The following ULBP1 variants were observed in gnomAD, a reference collection of about 807,000 sequenced individuals.
ULBP1 encodes the protein UL16 binding protein 1, also known as UL16-binding protein 1.
In ULBP1, 28 loss-of-function variants were observed where a neutral mutation model predicts 25.3. That is an observed-to-expected ratio of 1.10 (90% confidence interval 0.82 to 1.51). The LOEUF (loss-of-function observed/expected upper bound fraction) is 1.51, where lower values mean the gene tolerates loss of function less well. Among genes scored for constraint, ULBP1 ranks in the 40% most tolerant of loss-of-function variants. The probability of loss-of-function intolerance (pLI) is 0.00; values close to 1 mark genes in which losing one functional copy is unlikely to be tolerated. For missense variants in ULBP1, 348 were observed against 290.9 expected (o/e 1.20, Z -1.43); for synonymous variants, 129 against 103.0 (o/e 1.25, Z -1.53).
At chr6:149,966,174 G>A (rs1337951823) in intron 1 of ULBP1, among the ~76,000 whole-genome samples, 4 of 151,588 alleles carry the variant, frequency 2.6e-5, no homozygotes, top group African/African-American at 7.2e-5. Flanking sequence ...CTTGCTGGCC[G>A]TGAGTTCTCT....
chr6:149,969,140 C>G lies in ULBP1; in HGVS notation c.405C>G (p.Gly135=). 6.2e-7 allele frequency: 1 copy of G among 1,614,216 alleles called. No homozygotes were observed. The highest frequency in any genetic ancestry group is 8.5e-7 in the Non-Finnish European group (1 of 1,180,038). The change falls in exon 3 of 5, where the codon GGC becomes GGG. Residue 135 remains glycine (G), a synonymous_variant. Coordinates refer to ENST00000229708, the MANE Select transcript of ULBP1 (RefSeq NM_025218.4). ...MSCEHEAHGH[G]RGSWQFLFNG... ...GTGAGCATGAAGCCCATGGACACGGCAGAGGATCTTGGCAGTTCCTCTTCA... is the reference window on the plus strand; with the variant it reads ...GTGAGCATGAAGCCCATGGACACGGGAGAGGATCTTGGCAGTTCCTCTTCA...
At chr6:149,967,802 C>A (rs966045567) in intron 1 of ULBP1, among the ~76,000 whole-genome samples, 1 of 152,144 alleles carries the variant, frequency 6.6e-6, no homozygotes, top group African/African-American at 2.4e-5. Context: ...ATTTCAGGAA[C>A]AGCATTTCCT....
rs1224061040 is a variant in ULBP1 at position 149,972,441 on chromosome 6, G to A, written c.*1095G>A. 2 of 152,022 alleles carry A rather than the reference G, an allele frequency of 1.3e-5. No homozygotes were observed. Among genetic ancestry groups the A allele is most frequent in the Non-Finnish European group, 2.9e-5 (2 of 68,028 alleles). The allele number at this position is 152,022 out of a possible 1,614,324, so 9.4% of individuals were successfully genotyped here. On this transcript the variant is annotated 3_prime_UTR_variant, in exon 5 of 5. Coordinates refer to ENST00000229708, the MANE Select transcript of ULBP1 (RefSeq NM_025218.4). ...CTAAGAAATACCAATGTGGACATAG[G>A]GCCTGGCAAAGATTTCATGAAGAAG...
intron 1 of ULBP1, among the ~76,000 whole-genome samples, chr6:149,964,505 C>A (rs926950580): frequency 6.8e-6 from 1 of 147,772 alleles, no homozygotes; most frequent in Non-Finnish European, 1.5e-5. Flanking sequence ...CCCCGAACAT[C>A]GTGGTCTCCC....
At chr6:149,964,694 G>C (rs570929927) in intron 1 of ULBP1, among the ~76,000 whole-genome samples, 54 of 146,654 alleles carry the variant, frequency 3.7e-4, no homozygotes, top group Middle Eastern at 3.6e-3. Flanking sequence ...CCTTTCCGCC[G>C]GGTCTGATTC....
intron 1 of ULBP1, among the ~76,000 whole-genome samples, chr6:149,964,506 G>T (rs1382622206): frequency 6.8e-6 from 1 of 146,682 alleles, no homozygotes; most frequent in Admixed American, 6.8e-5. Flanking sequence ...CCCGAACATC[G>T]TGGTCTCCCC....
intron 1 of ULBP1, among the ~76,000 whole-genome samples, chr6:149,964,814 C>T (rs1267913503): frequency 2.4e-5 from 3 of 125,862 alleles, no homozygotes; most frequent in African/African-American, 8.9e-5. Flanking sequence ...ACATCGTGAT[C>T]CCCCCCGAAC....
At chr6:149,967,824 C>T (rs140539312) in intron 1 of ULBP1, among the ~76,000 whole-genome samples, 1 of 152,138 alleles carries the variant, frequency 6.6e-6, no homozygotes, top group Non-Finnish European at 1.5e-5. Flanking sequence ...CCCCCAACCC[C>T]GGCCTTCAGC....
rs1389814120 is a variant in ULBP1, at chr6:149,969,183, C to G, written c.448C>G (p.Leu150Val). ...CCTCTTCAATGGACAGAAGTTCCTCCTCTTTGACTCAAACAACAGAAAGTG... is the reference window on the plus strand; with the variant it reads ...CCTCTTCAATGGACAGAAGTTCCTCGTCTTTGACTCAAACAACAGAAAGTG... ...QFLFNGQKFL[L>V]FDSNNRKWTA... Residue 150 changes from leucine (L) to valine (V), a missense_variant, in exon 3 of 5, where the codon CTC becomes GTC. Transcript: ENST00000229708. The G allele has an allele frequency of 6.2e-7, 1 of 1,614,106 alleles. No individual in the cohort carries two copies. The highest frequency in any genetic ancestry group is 1.3e-5 in the African/African-American group (1 of 74,926).
rs1354088063 is a variant in ULBP1, at chr6:149,971,469, CA to C, written c.*124del. 9 of 930,670 alleles carry C rather than the reference CA, an allele frequency of 9.7e-6. No homozygotes were observed. The Admixed American group carries it at 4.9e-4, about 51-fold the overall frequency. The allele number at this position is 930,670 out of a possible 1,614,324, so 57.7% of individuals were successfully genotyped here. A position where few individuals can be genotyped will look rare whatever the true frequency, so the allele number is the denominator to read the frequency against. On this transcript the variant is annotated 3_prime_UTR_variant, in exon 5 of 5. Transcript: ENST00000229708. ...CTCACCACTGTGCCTTTCTGGAAAG[CA>C]GGAGTTCAAGCCTTAGCAAGCCCAG...
At chr6:149,967,541 G>A (rs575020835) in intron 1 of ULBP1, among the ~76,000 whole-genome samples, 64 of 152,264 alleles carry the variant, frequency 4.2e-4, no homozygotes, top group African/African-American at 1.5e-3. Flanking sequence ...ATCCATCCTT[G>A]CGTTTTGTCT....
chr6:149,967,887 T>A (rs376350017), intron 1 of ULBP1, among the ~76,000 whole-genome samples: 1 of 152,146 alleles, frequency 6.6e-6, no homozygotes, highest in Non-Finnish European at 1.5e-5. Context: ...TGGGGCCTTC[T>A]TTATATGCTG....
chr6:149,964,289 C>A (rs1302815865), intron 1 of ULBP1, among the ~76,000 whole-genome samples, 155 bp downstream of exon 1: 12 of 151,876 alleles, frequency 7.9e-5, no homozygotes, highest in Admixed American at 6.5e-4. Flanking sequence ...TCCCTCCGAA[C>A]GTCGCGGTCT....
chr6:149,970,124 G>A lies in ULBP1; in HGVS notation c.734G>A (p.Ter245=). The change falls in exon 4 of 5, where the codon TGA becomes TAA. Residue 245 remains the stop codon, a stop_retained_variant. Transcript: ENST00000229708. ...CTCTGCTTCATTCTAGCTGGCAGATGAGGAGAGTTGTTTAGAGTGACAGGT... is the reference window on the plus strand; with the variant it reads ...CTCTGCTTCATTCTAGCTGGCAGATAAGGAGAGTTGTTTAGAGTGACAGGT... ...IFLCFILAGR[*] is the part of the protein sequence containing the mutation. The A allele has an allele frequency of 6.2e-7, 1 of 1,603,420 alleles. No homozygotes were observed. Among genetic ancestry groups the A allele is most frequent in the Non-Finnish European group, 8.5e-7 (1 of 1,174,820 alleles).
At chr6:149,964,710 G>C in intron 1 of ULBP1, among the ~76,000 whole-genome samples, 1 of 146,502 alleles carries the variant, frequency 6.8e-6, no homozygotes, top group African/African-American at 2.6e-5. Context: ...GATTCCTGCG[G>C]CTGCTGCTTG....
Position 149,968,163 on chromosome 6 carries a change from A to G in ULBP1, c.86-444A>G, listed in dbSNP as rs546378200. Among the ~76,000 whole-genome samples, 11 of 152,246 alleles carry G rather than the reference A, an allele frequency of 7.2e-5. No individual in the cohort carries two copies. In the South Asian group the frequency reaches 2.3e-3, roughly 32 times the overall value. On this transcript the variant is annotated intron_variant, in intron 1 of 4. Transcript: ENST00000229708. ...AATCATGTGACCCATGACAATAATCACTTGCTTATCTAAACTGAATTCTGC... is the reference window on the plus strand; with the variant it reads ...AATCATGTGACCCATGACAATAATCGCTTGCTTATCTAAACTGAATTCTGC...
chr6:149,969,466 A>AC (rs1248368184), intron 3 of ULBP1, 106 bp downstream of exon 3: 31 of 1,490,404 alleles, frequency 2.1e-5, no homozygotes, highest in Admixed American at 5.6e-5. Context: ...TATGAACATG[A>AC]CCCCCTCATG....
At chr6:149,966,010 G>A (rs1375095588) in intron 1 of ULBP1, among the ~76,000 whole-genome samples, 2 of 152,058 alleles carry the variant, frequency 1.3e-5, no homozygotes, top group African/African-American at 2.4e-5. Context: ...GATGACCCTG[G>A]GAGCGCCGGT....
In ULBP1 at chr6:149,968,712, A is replaced by G. The variant is rs771993534; in HGVS notation, c.191A>G (p.Tyr64Cys). 2 of 1,614,250 alleles carry G rather than the reference A, an allele frequency of 1.2e-6. No homozygotes were observed. Among genetic ancestry groups the G allele is most frequent in the Non-Finnish European group, 1.7e-6 (2 of 1,180,050 alleles). The change falls in exon 2 of 5, where the codon TAT becomes TGT. Residue 64 changes from tyrosine to cysteine, a missense_variant. Coordinates refer to ENST00000229708, the MANE Select transcript of ULBP1 (RefSeq NM_025218.4). Reference protein sequence around the residue: ...GLVDERPFLHYDCVNHKAKAF... With the variant: ...GLVDERPFLHCDCVNHKAKAF... ...GTGGATGAAAGGCCTTTTCTTCACT[A>G]TGACTGTGTTAACCACAAGGCCAAA...
Sources: gnomAD v4.1 joint callset for allele counts (sites outside exome capture counted in the v4.1 genomes callset) on GRCh38, gnomAD v4.1.1 for gene constraint, MANE v1.5 for transcripts, NCBI Gene and HGNC (gene_info 2026-07-23, HGNC 2026-07-21) for gene names.